CLXN: variants seen among roughly 807,000 people sequenced by gnomAD.
CLXN encodes EF-hand calcium binding domain 1.
chr8:48,712,617 C>A, the CLXN span, among the ~76,000 whole-genome samples: 1 of 152,190 alleles, frequency 6.6e-6, no homozygotes, highest in East Asian at 1.9e-4. Flanking sequence ...GGCAGTGATG[C>A]CGATAAAGGC....
the CLXN span, chr8:48,735,111 GT>G: frequency 6.2e-7 from 1 of 1,614,026 alleles, no homozygotes; most frequent in Admixed American, 1.7e-5. Flanking sequence ...GCAATTTTTG[GT>G]TAAGGTGTCC....
the CLXN span, chr8:48,715,101 T>C: frequency 6.6e-6 from 1 of 152,218 alleles, no homozygotes; most frequent in Non-Finnish European, 1.5e-5. Context: ...TGCAAAAATG[T>C]AGATGTACTT....
chr8:48,729,200 A>C, the CLXN span: 8 of 1,409,762 alleles, frequency 5.7e-6, no homozygotes, highest in Non-Finnish European at 7.9e-6. Context: ...CTGCAAATAC[A>C]TGCTCTTTTC....
At chr8:48,717,638 A>C in the CLXN span, among the ~76,000 whole-genome samples, 2 of 152,220 alleles carry the variant, frequency 1.3e-5, no homozygotes, top group African/African-American at 4.8e-5. Context: ...ATACAGAATA[A>C]TGCAACACTG....
chr8:48,723,473 T>C, the CLXN span: 2 of 152,238 alleles, frequency 1.3e-5, no homozygotes, highest in African/African-American at 4.8e-5. Flanking sequence ...TCACACAATA[T>C]TCTATTTTAC....
the CLXN span, among the ~76,000 whole-genome samples, chr8:48,721,496 C>G: frequency 6.6e-6 from 1 of 152,084 alleles, no homozygotes; most frequent in East Asian, 1.9e-4. Flanking sequence ...CCCTAAATAG[C>G]CAAAGCAATC....
At chr8:48,729,452 G>C in the CLXN span, among the ~76,000 whole-genome samples, 2 of 151,760 alleles carry the variant, frequency 1.3e-5, no homozygotes, top group Non-Finnish European at 2.9e-5. Flanking sequence ...GAGCCCAAGA[G>C]TTTGATGATG....
the CLXN span, among the ~76,000 whole-genome samples, chr8:48,727,596 C>T: frequency 6.6e-6 from 1 of 152,044 alleles, no homozygotes; most frequent in Non-Finnish European, 1.5e-5. Context: ...GAGCCAGAGG[C>T]TGTGGCTCCA....
chr8:48,725,672 C>T, the CLXN span, among the ~76,000 whole-genome samples: 33 of 152,048 alleles, frequency 2.2e-4, no homozygotes, highest in East Asian at 3.9e-4. Context: ...GGCGTGGTGG[C>T]GCATGCCTCT....
At chr8:48,726,340 C>T in the CLXN span, among the ~76,000 whole-genome samples, 1 of 150,582 alleles carries the variant, frequency 6.6e-6, no homozygotes, top group Non-Finnish European at 1.5e-5. Flanking sequence ...CCTCATCCAT[C>T]CACCCATCCA....
At chr8:48,723,530 G>T in the CLXN span, 1 of 152,134 alleles carries the variant, frequency 6.6e-6, no homozygotes, top group African/African-American at 2.4e-5. Context: ...ATCCCAACTA[G>T]CCTCTCAGTA....
At chr8:48,715,065 T>C in the CLXN span, 1 of 152,314 alleles carries the variant, frequency 6.6e-6, no homozygotes, top group African/African-American at 2.4e-5. Context: ...TTCAATATGA[T>C]CATCTGAAAA....
the CLXN span, among the ~76,000 whole-genome samples, chr8:48,725,941 G>C: frequency 2.0e-5 from 3 of 151,986 alleles, no homozygotes; most frequent in African/African-American, 7.3e-5. Context: ...TGAGGAGATG[G>C]AGAGATCCAG....
the CLXN span, chr8:48,724,779 T>C: frequency 6.2e-7 from 1 of 1,612,196 alleles, no homozygotes; most frequent in Non-Finnish European, 8.5e-7. Flanking sequence ...TTTGAATACT[T>C]GAGCTTCAAA....
the CLXN span, chr8:48,731,521 A>G: frequency 1.9e-6 from 3 of 1,572,688 alleles, no homozygotes; most frequent in Non-Finnish European, 2.6e-6. Flanking sequence ...AATAAAATAG[A>G]TATAACAAAA....
chr8:48,717,969 T>C, the CLXN span, among the ~76,000 whole-genome samples: 2 of 152,066 alleles, frequency 1.3e-5, no homozygotes, highest in African/African-American at 2.4e-5. Context: ...AAAATGGCAA[T>C]AATAGGTACA....
chr8:48,734,334 T>C, the CLXN span, among the ~76,000 whole-genome samples: 1 of 152,188 alleles, frequency 6.6e-6, no homozygotes, highest in African/African-American at 2.4e-5. Context: ...CACGGCTTCC[T>C]TGCTAAAGTG....
the CLXN span, among the ~76,000 whole-genome samples, chr8:48,733,863 T>C: frequency 6.6e-6 from 1 of 152,210 alleles, no homozygotes; most frequent in Non-Finnish European, 1.5e-5. Flanking sequence ...GTATTGTGTA[T>C]AGCAGCTATT....
At chr8:48,730,583 T>C in the CLXN span, 1 of 1,612,138 alleles carries the variant, frequency 6.2e-7, no homozygotes, top group East Asian at 2.2e-5. Flanking sequence ...ACAGTGATAA[T>C]CCATGAATCC....
Sources: allele counts gnomAD v4.1 joint callset (sites outside exome capture counted in the v4.1 genomes callset), GRCh38; gene constraint gnomAD v4.1.1; transcripts MANE v1.5; gene names NCBI Gene and HGNC (gene_info 2026-07-23, HGNC 2026-07-21).